The following WNK3 variants were observed in gnomAD, a reference collection of about 807,000 sequenced individuals.
WNK3 encodes serine/threonine-protein kinase WNK3.
In WNK3, 18 loss-of-function variants were observed where a neutral mutation model predicts 116.7. The observed-to-expected ratio is 0.15, with a 90% CI of 0.11 to 0.23. WNK3 has a LOEUF of 0.23. Ranked by LOEUF, WNK3 falls within the 10% of genes least tolerant of loss-of-function variation. The pLI is 1.00. For missense variants in WNK3, 993 were observed against 1,323.8 expected, an observed-to-expected ratio of 0.75 and a Z score of 3.88; for synonymous variants, 404 against 469.4, an observed-to-expected ratio of 0.86 and a Z score of 1.80.
Position 54,264,151 on chromosome X carries a change from G to A in WNK3, c.2038-4813C>T, listed in dbSNP as rs782065659. Among the ~76,000 whole-genome samples, 8 of 109,503 alleles carry A rather than the reference G, an allele frequency of 7.3e-5. No individual in the cohort carries two copies. The East Asian group carries it at 1.5e-3, about 20-fold the overall frequency. The stretch of plus-strand genomic sequence containing the variant: ...AGTTGGAGACCAGCCTGGCCAACAG[G>A]GTGAAGCCCTGTCTGTACTAAAAAT... On this transcript the variant is annotated intron_variant, in intron 10 of 23. Coordinates refer to ENST00000354646, the Ensembl canonical transcript of WNK3.
At chrX:54,269,347 G>C (rs2068352832) in intron 10 of WNK3, among the ~76,000 whole-genome samples, 1 of 111,497 alleles carries the variant, frequency 9.0e-6, no homozygotes, top group African/African-American at 3.3e-5. Flanking sequence ...TTATTTATCA[G>C]GAAAATGCAA....
At chrX:54,248,231 T>TAA (rs782354082) in intron 17 of WNK3, among the ~76,000 whole-genome samples, 1 of 101,503 alleles carries the variant, frequency 9.9e-6, no homozygotes. Flanking sequence ...GTCTAGGGTT[T>TAA]AAAAAAAAAA....
chrX:54,318,008 G>A (rs1235398964), intron 2 of WNK3, among the ~76,000 whole-genome samples: 2 of 110,276 alleles, frequency 1.8e-5, no homozygotes, highest in African/African-American at 6.6e-5. Flanking sequence ...GGATATTGCT[G>A]AGGGATGTAC....
chrX:54,285,689 A>G (rs376640277), intron 10 of WNK3, among the ~76,000 whole-genome samples: 7 of 112,247 alleles, frequency 6.2e-5, no homozygotes, highest in African/African-American at 2.3e-4. Flanking sequence ...CAAAGCCTAC[A>G]ATATTTACTA....
chrX:54,292,741 G>C (rs2068653539), intron 10 of WNK3, 147 bp downstream of exon 10: 1 of 517,668 alleles, frequency 1.9e-6, no homozygotes, highest in Admixed American at 4.6e-5. Context: ...AATGTCTTGG[G>C]TGAAGGAAAG....
exon 24 of WNK3, chrX:54,193,117 A>G (rs1048135328): frequency 3.6e-5 from 4 of 112,046 alleles, no homozygotes; most frequent in Non-Finnish European, 7.5e-5. Flanking sequence ...TCACATATAC[A>G]ACTAAATGTT....
At chrX:54,351,719 C>T (rs1202644631) in intron 1 of WNK3, among the ~76,000 whole-genome samples, 1 of 111,319 alleles carries the variant, frequency 9.0e-6, no homozygotes, top group Non-Finnish European at 1.9e-5. Context: ...CGAGACCAGC[C>T]TGGCTAACAT....
chrX:54,215,533 T>C lies in WNK3; in HGVS notation c.4870+13181A>G, dbSNP rs1272655795. Among the ~76,000 whole-genome samples, 4 of 112,391 alleles carry C rather than the reference T, an allele frequency of 3.6e-5. No homozygotes were observed. The Admixed American group carries it at 3.8e-4, about 11-fold the overall frequency. On this transcript the variant is annotated intron_variant, in intron 22 of 23. Transcript: ENST00000354646. ...TGGAGTGCAGTGGCGTGATCTCCGC[T>C]CGCTACAACCTCCACCTCCCAGCCG...
chrX:54,216,200 G>A (rs2067693096), intron 22 of WNK3, among the ~76,000 whole-genome samples: 1 of 108,933 alleles, frequency 9.2e-6, no homozygotes, highest in Non-Finnish European at 1.9e-5. Context: ...TTGTTCACAT[G>A]TTTATCTGCT....
chrX:54,224,343 A>C (rs1422632659), intron 22 of WNK3, among the ~76,000 whole-genome samples: 1 of 105,316 alleles, frequency 9.5e-6, no homozygotes, highest in Non-Finnish European at 2.0e-5. Flanking sequence ...CAAGAGCGAA[A>C]CTCCATCTAA....
At chrX:54,205,342 T>C (rs1377279501) in intron 22 of WNK3, among the ~76,000 whole-genome samples, 1 of 111,450 alleles carries the variant, frequency 9.0e-6, no homozygotes, top group African/African-American at 3.3e-5. Context: ...AAAAAGAACA[T>C]TTCTCCACTA....
At chrX:54,228,855 G>A (rs567594672) in intron 21 of WNK3, 112 bp from the exon 22 acceptor site, 155 of 380,490 alleles carry the variant, frequency 4.1e-4, no homozygotes, top group South Asian at 3.5e-3. Flanking sequence ...GGGCATATAC[G>A]AAAACTTACA....
intron 10 of WNK3, among the ~76,000 whole-genome samples, chrX:54,269,701 A>T (rs2068357494): frequency 9.0e-6 from 1 of 111,324 alleles, no homozygotes; most frequent in African/African-American, 3.3e-5. Flanking sequence ...TAACTGAATC[A>T]TGATATATTC....
chrX:54,320,657 A>G (rs2069019080), intron 2 of WNK3, among the ~76,000 whole-genome samples: 2 of 108,209 alleles, frequency 1.8e-5, no homozygotes, highest in African/African-American at 3.4e-5. Flanking sequence ...CAAATACCCA[A>G]GACACTACTG....
chrX:54,333,203 T>A (rs369556039), exon 2 of WNK3: 2 of 1,208,389 alleles, frequency 1.7e-6, no homozygotes, highest in Non-Finnish European at 2.2e-6. Context: ...CTGTTTTAAA[T>A]GCTCCTCTTC....
At chrX:54,293,082 T>C (rs781934891) in intron 9 of WNK3, 45 bp from the exon 10 acceptor site, 1 of 1,190,508 alleles carries the variant, frequency 8.4e-7, no homozygotes, top group East Asian at 3.1e-5. Flanking sequence ...AACTTTCCCA[T>C]TTACAGTAAA....
intron 1 of WNK3, among the ~76,000 whole-genome samples, chrX:54,334,914 C>A (rs1365511985): frequency 1.8e-5 from 2 of 111,371 alleles, no homozygotes; most frequent in Non-Finnish European, 3.8e-5. Context: ...TAAACATAAG[C>A]CTAATTGGTG....
chrX:54,307,125 G>T (rs1557168829), intron 5 of WNK3, among the ~76,000 whole-genome samples: 1 of 107,571 alleles, frequency 9.3e-6, no homozygotes, highest in Non-Finnish European at 1.9e-5. Flanking sequence ...TATTTGGGAG[G>T]CTGAGGCAGG....
chrX:54,283,871 A>T (rs1325669579), intron 10 of WNK3, among the ~76,000 whole-genome samples: 2 of 109,351 alleles, frequency 1.8e-5, no homozygotes, highest in Non-Finnish European at 3.8e-5. Flanking sequence ...AGAGGAAAAA[A>T]AAAAAAAAAG....
Sources: allele counts gnomAD v4.1 joint callset (sites outside exome capture counted in the v4.1 genomes callset), GRCh38; gene constraint gnomAD v4.1.1; transcripts MANE v1.5; gene names NCBI Gene and HGNC (gene_info 2026-07-23, HGNC 2026-07-21).